MGST1: variants seen among roughly 807,000 people sequenced by gnomAD.
MGST1 encodes the protein glutathione S-transferase 12.
In MGST1, 5 loss-of-function variants were observed where a neutral mutation model predicts 8.9. The ratio of observed to expected loss-of-function variants is 0.56; its 90% confidence interval spans 0.29 to 1.19. The LOEUF (loss-of-function observed/expected upper bound fraction) is 1.19, where lower values mean the gene tolerates loss of function less well. MGST1 is among the 50% of genes most tolerant of loss of function. The probability of loss-of-function intolerance (pLI) is 0.08; values close to 1 mark genes in which losing one functional copy is unlikely to be tolerated. For synonymous variants in MGST1, 54 were observed against 67.8 expected (o/e 0.80, Z 1.00); for missense variants, 182 against 187.4 (o/e 0.97, Z 0.17).
At chr12:16,447,081 C>T (rs943347668) in intron 4 of MGST1, among the ~76,000 whole-genome samples, 2 of 151,888 alleles carry the variant, frequency 1.3e-5, no homozygotes, top group African/African-American at 2.4e-5. Context: ...CAGCATGGAC[C>T]GTCACTTTCT....
chr12:16,483,790 A>C (rs1418567544), intron 4 of MGST1, among the ~76,000 whole-genome samples: 1 of 152,196 alleles, frequency 6.6e-6, no homozygotes, highest in Non-Finnish European at 1.5e-5. Flanking sequence ...TCTTTCATAA[A>C]AATTAGTAAG....
intron 1 of MGST1, among the ~76,000 whole-genome samples, chr12:16,412,373 C>A (rs1940749525): frequency 6.6e-6 from 1 of 152,166 alleles, no homozygotes; most frequent in South Asian, 2.1e-4. Flanking sequence ...TTATTTTGAG[C>A]TATTAATTTT....
chr12:16,496,835 T>C (rs1467467569), intron 4 of MGST1, among the ~76,000 whole-genome samples: 1 of 152,088 alleles, frequency 6.6e-6, no homozygotes, highest in African/African-American at 2.4e-5. Flanking sequence ...AAAATGAGAA[T>C]GCTGAATGCT....
rs754790945 is a variant in MGST1, at chr12:16,586,311, C to T, written n.483-3217C>T. ...TAAGATGTCATGATACGATGAAGTC[C>T]ACATACGGAACAACTAAGAAACAAC... is the stretch of plus-strand genomic sequence containing the variant. On this transcript the variant is annotated intron_variant and non_coding_transcript_variant, in intron 4 of 4. Coordinates refer to the MGST1 transcript ENST00000538857. The surrounding 1 kb of genome is among the most constrained non-coding windows in gnomAD (Gnocchi z 4.3). Among the ~76,000 whole-genome samples the T allele has an allele frequency of 2.6e-5, 4 of 152,098 alleles. No homozygotes were observed. Among genetic ancestry groups the T allele is most frequent in the Admixed American group, 6.6e-5 (1 of 15,256 alleles).
chr12:16,448,563 A>G (rs1941101216), intron 4 of MGST1, among the ~76,000 whole-genome samples: 1 of 151,968 alleles, frequency 6.6e-6, no homozygotes, highest in Non-Finnish European at 1.5e-5. Flanking sequence ...GGTTGAAAGC[A>G]AATTCAGAAG....
At chr12:16,350,426 C>T (rs553243722) in intron 1 of MGST1, among the ~76,000 whole-genome samples, 43 of 152,300 alleles carry the variant, frequency 2.8e-4, no homozygotes, top group Non-Finnish European at 3.2e-4. Context: ...TTTTTCCCTG[C>T]TTACTTTTCT....
rs550092231 is a variant in MGST1 at position 16,505,720 on chromosome 12, G to A, written n.483-83808G>A. Among the ~76,000 whole-genome samples, 198 of 152,172 alleles carry A rather than the reference G, an allele frequency of 1.3e-3. 1 individual carries two copies. Among genetic ancestry groups the A allele is most frequent in the Non-Finnish European group, 1.9e-3 (131 of 68,014 alleles). The stretch of plus-strand genomic sequence containing the variant: ...TGTAATTCATCCTCATACTGTCAAC[G>A]ACTCTGTGAAGCTATCTTTCTAAAG... On this transcript the variant is annotated intron_variant and non_coding_transcript_variant, in intron 4 of 4. Coordinates refer to the MGST1 transcript ENST00000538857.
In MGST1 at chr12:16,488,082, G is replaced by A. The variant is rs143706450; in HGVS notation, n.483-101446G>A. Among the ~76,000 whole-genome samples the A allele has an allele frequency of 1.4e-3, 208 of 152,250 alleles. 1 individual carries two copies. Among genetic ancestry groups the A allele is most frequent in the African/African-American group, 4.3e-3 (179 of 41,540 alleles). On this transcript the variant is annotated intron_variant and non_coding_transcript_variant, in intron 4 of 4. Coordinates refer to the MGST1 transcript ENST00000538857. Reference sequence around the variant, plus strand: ...GTTATTTAGAGATATTGCAGTAACCGTTAGAAGAATTATATATTAAATGTT... The same window carrying A: ...GTTATTTAGAGATATTGCAGTAACCATTAGAAGAATTATATATTAAATGTT...
intron 1 of MGST1, chr12:16,399,837 T>C: frequency 1.6e-6 from 2 of 1,219,886 alleles, no homozygotes; most frequent in Non-Finnish European, 2.4e-6. Context: ...ACTTTCTTGC[T>C]GTAGTCCTTG....
chr12:16,484,677 C>T (rs995950235), intron 4 of MGST1, among the ~76,000 whole-genome samples: 13 of 151,950 alleles, frequency 8.6e-5, no homozygotes, highest in African/African-American at 2.4e-4. Context: ...TTTAAACAAC[C>T]GGATCTCGTG....
At chr12:16,428,832 C>A (rs1314004987) in intron 1 of MGST1, among the ~76,000 whole-genome samples, 1 of 151,840 alleles carries the variant, frequency 6.6e-6, no homozygotes, top group Non-Finnish European at 1.5e-5. Flanking sequence ...CTAATAATTT[C>A]TTAATTTTTG....
chr12:16,379,768 A>T (rs1428162004), downstream of MGST1, among the ~76,000 whole-genome samples: 2 of 152,172 alleles, frequency 1.3e-5, no homozygotes, highest in Non-Finnish European at 2.9e-5. Context: ...CTGTGGATCC[A>T]TCTGGTCCTG....
intron 4 of MGST1, among the ~76,000 whole-genome samples, chr12:16,479,311 T>G (rs1272696777): frequency 6.8e-6 from 1 of 147,626 alleles, no homozygotes; most frequent in African/African-American, 2.5e-5. Context: ...CTGGGCTCAC[T>G]GCAAGCTCCG....
intron 4 of MGST1, among the ~76,000 whole-genome samples, chr12:16,519,992 G>A (rs763761311): frequency 1.3e-5 from 2 of 152,120 alleles, no homozygotes; most frequent in African/African-American, 4.8e-5. Flanking sequence ...CCAAGAGTGA[G>A]GTAGTGCTAT....
chr12:16,427,558 T>G (rs1940901178), intron 1 of MGST1, among the ~76,000 whole-genome samples: 1 of 152,096 alleles, frequency 6.6e-6, no homozygotes, highest in Non-Finnish European at 1.5e-5. Flanking sequence ...ATTTTTGTAC[T>G]TTTAGTAGAG....
At chr12:16,538,167 A>G (rs1166644355) in intron 4 of MGST1, among the ~76,000 whole-genome samples, 1 of 152,196 alleles carries the variant, frequency 6.6e-6, no homozygotes, top group Non-Finnish European at 1.5e-5. Context: ...AGTTTTGCAC[A>G]TCTGTAGGGC....
At chr12:16,486,952 C>A (rs1941402947) in intron 4 of MGST1, among the ~76,000 whole-genome samples, 1 of 152,168 alleles carries the variant, frequency 6.6e-6, no homozygotes, top group Non-Finnish European at 1.5e-5. Context: ...CAGGCCGCGA[C>A]TGTTTAAGGG....
At chr12:16,444,335 T>C (rs2137106390) in intron 4 of MGST1, among the ~76,000 whole-genome samples, 1 of 152,000 alleles carries the variant, frequency 6.6e-6, no homozygotes, top group African/African-American at 2.4e-5. Context: ...ACTTTGTCTC[T>C]GATCTTCCAA....
Position 16,502,790 on chromosome 12 carries a change from T to C in MGST1, n.483-86738T>C, listed in dbSNP as rs189652140. On this transcript the variant is annotated intron_variant and non_coding_transcript_variant, in intron 4 of 4. Transcript: ENST00000538857. ...CTAAGCATTGTCTTGTCTAAACATATATAAATTGCTTGTTTAGAACTTGGA... is the reference window on the plus strand; with the variant it reads ...CTAAGCATTGTCTTGTCTAAACATACATAAATTGCTTGTTTAGAACTTGGA... 1.5e-3 allele frequency among the ~76,000 whole-genome samples: 230 copies of C among 152,344 alleles called. 1 individual carries two copies. The highest frequency in any genetic ancestry group is 2.1e-3 in the Non-Finnish European group (146 of 68,026).
Sources: allele counts gnomAD v4.1 joint callset (sites outside exome capture counted in the v4.1 genomes callset), GRCh38; gene constraint gnomAD v4.1.1; non-coding constraint Gnocchi (gnomAD v3.1); transcripts MANE v1.5; gene names NCBI Gene and HGNC (gene_info 2026-07-23, HGNC 2026-07-21).